PCSK9: variants seen among roughly 807,000 people sequenced by gnomAD.
The protein encoded by PCSK9 is proprotein convertase subtilisin/kexin type 9, also known as convertase subtilisin/kexin type 9 preproprotein.
In PCSK9, 57 loss-of-function variants were observed where a neutral mutation model predicts 62.1. The observed-to-expected ratio is 0.92, with a 90% CI of 0.74 to 1.14. The LOEUF (loss-of-function observed/expected upper bound fraction) is 1.14. Among genes scored for constraint, PCSK9 ranks in the 50% most tolerant of loss-of-function variants. The pLI is 0.00. For synonymous variants in PCSK9, 387 were observed against 409.4 expected, an observed-to-expected ratio of 0.95 and a Z score of 0.66; for missense variants, 870 against 959.8, an observed-to-expected ratio of 0.91 and a Z score of 1.24.
At chr1:55,052,471 G>A (rs1217139193) in intron 4 of PCSK9, 60 bp downstream of exon 4, 11 of 1,612,076 alleles carry the variant, frequency 6.8e-6, no homozygotes, top group Admixed American at 1.7e-5. Context: ...CTGGAGGTGG[G>A]TGGGGACTGC....
At chr1:55,059,877 G>A (rs1644746299) in intron 10 of PCSK9, among the ~76,000 whole-genome samples, 1 of 152,246 alleles carries the variant, frequency 6.6e-6, no homozygotes, top group Non-Finnish European at 1.5e-5. Context: ...GAGGGAAAAA[G>A]GTATTACCTG....
chr1:55,056,687 G>A (rs999784036), intron 6 of PCSK9, among the ~76,000 whole-genome samples: 12 of 152,130 alleles, frequency 7.9e-5, no homozygotes, highest in African/African-American at 2.7e-4. Context: ...AGAGTGTGCC[G>A]CATGCCCGGT....
At position 55,040,473 on chromosome 1, in the gene PCSK9, T is replaced by C. The variant is rs550127507; in HGVS notation, c.207+429T>C. Among the ~76,000 whole-genome samples, 2 of 152,054 alleles carry C rather than the reference T, an allele frequency of 1.3e-5. No individual in the cohort carries two copies. Among genetic ancestry groups the C allele is most frequent in the South Asian group, 4.2e-4 (2 of 4,792 alleles). ...AGGCACAGAGAAAGCGGGCTTGCCA[T>C]TATAGTGGGTTCCGATTTGGTTTGG... is the stretch of plus-strand genomic sequence containing the variant. On this transcript the variant is annotated intron_variant, in intron 1 of 11. Transcript: ENST00000302118. This position sits in a 1 kb window ranked among gnomAD's most constrained non-coding sequence, Gnocchi z 4.1.
rs1570301527 is a variant in PCSK9 at position 55,052,642 on chromosome 1, T to C, written c.658-8T>C. The C allele has an allele frequency of 1.2e-6, 2 of 1,612,762 alleles. No individual in the cohort carries two copies. Among genetic ancestry groups the C allele is most frequent in the Non-Finnish European group, 8.5e-7 (1 of 1,179,502 alleles). ...CTTTCTCATGTGGTCCTTGTGTTCG[T>C]CGAGCAGGCCAGCAAGTGTGACAGT... is the stretch of plus-strand genomic sequence containing the variant. On this transcript the variant is annotated splice_region_variant and splice_polypyrimidine_tract_variant and intron_variant, in intron 4 of 11. Coordinates refer to ENST00000302118, the MANE Select transcript of PCSK9 (RefSeq NM_174936.4).
At chr1:55,056,941 G>A in intron 6 of PCSK9, among the ~76,000 whole-genome samples, 1 of 3,120 alleles carries the variant, frequency 3.2e-4, no homozygotes, top group South Asian at 0.038. Context: ...GGTCCCCCCT[G>A]GCCTATCAAG....
intron 2 of PCSK9, among the ~76,000 whole-genome samples, chr1:55,044,682 T>C (rs1570294548): frequency 6.6e-6 from 1 of 152,322 alleles, no homozygotes; most frequent in East Asian, 1.9e-4. Flanking sequence ...TGTGTCATTT[T>C]CACACTGATT....
At position 55,040,814 on chromosome 1, in the gene PCSK9, G is replaced by T. The variant is rs1644593177; in HGVS notation, c.207+770G>T. 6.6e-6 allele frequency among the ~76,000 whole-genome samples: 1 copy of T among 152,240 alleles called. No homozygotes were observed. The highest frequency in any genetic ancestry group is 2.1e-4 in the South Asian group (1 of 4,836). On this transcript the variant is annotated intron_variant, in intron 1 of 11. Coordinates refer to ENST00000302118, the MANE Select transcript of PCSK9 (RefSeq NM_174936.4). This position sits in a 1 kb window ranked among gnomAD's most constrained non-coding sequence, Gnocchi z 4.1. ...CTGAGCCCGGCGCCTCAGCCCACCT[G>T]GCTGTCTGCCGACCGTGTGCGGGGC...
intron 10 of PCSK9, among the ~76,000 whole-genome samples, chr1:55,060,195 C>T (rs603247): frequency 0.83 from 126,155 of 152,246 alleles, 52,449 homozygotes; most frequent in East Asian, 0.99. Flanking sequence ...TAAAATCCAG[C>T]CTCTGGTATA....
chr1:55,054,378 AT>A (rs1296599843), intron 5 of PCSK9, among the ~76,000 whole-genome samples: 1 of 152,088 alleles, frequency 6.6e-6, no homozygotes, highest in Admixed American at 6.5e-5. Flanking sequence ...GCGAGATTCC[AT>A]CTCAAAAATA....
chr1:55,048,573 G>A (rs1570297852), intron 3 of PCSK9, among the ~76,000 whole-genome samples: 1 of 152,204 alleles, frequency 6.6e-6, no homozygotes, highest in Non-Finnish European at 1.5e-5. Context: ...TCATATCAAG[G>A]GCTTGGCTGG....
In PCSK9 at chr1:55,063,909, CTT is replaced by C; in HGVS notation, c.*328_*329del. The C allele has an allele frequency of 2.4e-6, 1 of 414,200 alleles. No homozygotes were observed. The highest frequency in any genetic ancestry group is 3.5e-5 in the South Asian group (1 of 28,254). The allele number at this position is 414,200 out of a possible 1,614,324, so 25.7% of individuals were successfully genotyped here. On this transcript the variant is annotated 3_prime_UTR_variant, in exon 12 of 12. Coordinates refer to ENST00000302118, the MANE Select transcript of PCSK9 (RefSeq NM_174936.4). ...GTGCCGATGTCCGTGGGCAGAATGA[CTT>C]TTATTGAGCTCTTGTTCCGTGCCAG... is the stretch of plus-strand genomic sequence containing the variant.
In PCSK9 at chr1:55,059,521, C is replaced by T. The variant is rs781492750; in HGVS notation, c.1539C>T (p.Asn513=). ...GCAAGCTGGTCTGCCGGGCCCACAA[C>T]GCTTTTGGGGGTGAGGGTGTCTACG... ...QGGKLVCRAH[N]AFGGEGVYAI... Residue 513 remains asparagine (N), a synonymous_variant, in exon 10 of 12, where the codon AAC becomes AAT. Coordinates refer to ENST00000302118, the MANE Select transcript of PCSK9 (RefSeq NM_174936.4). 27 of 1,565,798 alleles carry T rather than the reference C, an allele frequency of 1.7e-5. No individual in the cohort carries two copies. The highest frequency in any genetic ancestry group is 1.9e-5 in the Admixed American group (1 of 52,284).
chr1:55,051,975 T>C (rs1401709532), intron 3 of PCSK9: 1 of 442,880 alleles, frequency 2.3e-6, no homozygotes, highest in Non-Finnish European at 4.2e-6. Flanking sequence ...TGAACATTCA[T>C]ATTATTGTTA....
intron 4 of PCSK9, 50 bp downstream of exon 4, chr1:55,052,461 C>G (rs774658675): frequency 6.2e-7 from 1 of 1,612,918 alleles, no homozygotes; most frequent in Non-Finnish European, 8.5e-7. Context: ...TATCCCCATC[C>G]TGGAGGTGGG....
chr1:55,046,772 A>G, intron 3 of PCSK9, 126 bp downstream of exon 3: 2 of 1,070,918 alleles, frequency 1.9e-6, no homozygotes, highest in Non-Finnish European at 2.7e-6. Context: ...ACCTCCACTG[A>G]CCCCTTTTTT....
chr1:55,046,667 C>T, intron 3 of PCSK9, 21 bp downstream of exon 3: 1 of 1,612,914 alleles, frequency 6.2e-7, no homozygotes, highest in Middle Eastern at 1.7e-4. Context: ...CATCTGTGCC[C>T]TGCCCCACCC....
intron 3 of PCSK9, among the ~76,000 whole-genome samples, chr1:55,048,945 G>A (rs531258589): frequency 9.2e-5 from 14 of 152,220 alleles, no homozygotes; most frequent in African/African-American, 2.2e-4. Flanking sequence ...CCCACTGTGC[G>A]CCAGGCACCA....
intron 7 of PCSK9, 52 bp from the exon 8 acceptor site, chr1:55,057,984 G>A: frequency 6.2e-7 from 1 of 1,606,690 alleles, no homozygotes; most frequent in South Asian, 1.1e-5. Flanking sequence ...GTCCCCTGCT[G>A]GGGCAGGAGG....
At chr1:55,051,167 T>C (rs1644670155) in intron 3 of PCSK9, 1 of 456,186 alleles carries the variant, frequency 2.2e-6, no homozygotes, top group East Asian at 6.9e-5. Context: ...TCACCTGTCC[T>C]GAGATGAGAA....
Sources: allele counts gnomAD v4.1 joint callset (sites outside exome capture counted in the v4.1 genomes callset), GRCh38; gene constraint gnomAD v4.1.1; non-coding constraint Gnocchi (gnomAD v3.1); transcripts MANE v1.5; gene names NCBI Gene and HGNC (gene_info 2026-07-23, HGNC 2026-07-21).